Variants in GSK3B observed in about 807,000 individuals in gnomAD.
The protein encoded by GSK3B is glycogen synthase kinase 3 beta.
In GSK3B, 15 loss-of-function variants were observed where a neutral mutation model predicts 56.4. The ratio of observed to expected loss-of-function variants is 0.27; its 90% CI spans 0.18 to 0.41. GSK3B has a LOEUF of 0.41. GSK3B is among the 10% of genes least tolerant of loss of function. The pLI, the probability that GSK3B is intolerant of heterozygous loss-of-function variation, is 1.00. For synonymous variants in GSK3B, 181 were observed against 188.9 expected (o/e 0.96, Z 0.34); for missense variants, 300 against 513.4 (o/e 0.58, Z 4.02).
At chr3:120,083,201 T>C (rs1407741607) in intron 1 of GSK3B, among the ~76,000 whole-genome samples, 1 of 152,152 alleles carries the variant, frequency 6.6e-6, no homozygotes, top group Non-Finnish European at 1.5e-5. Flanking sequence ...AGTTATCAGA[T>C]AAGAACTATT....
intron 1 of GSK3B, among the ~76,000 whole-genome samples, chr3:120,028,364 C>G (rs777715867): frequency 2.0e-5 from 3 of 152,172 alleles, no homozygotes; most frequent in Non-Finnish European, 2.9e-5. Flanking sequence ...ATTTACCTCA[C>G]GAGAAACTAG....
chr3:119,874,858 G>A (rs2056292549), intron 8 of GSK3B, among the ~76,000 whole-genome samples: 1 of 152,002 alleles, frequency 6.6e-6, no homozygotes, highest in Admixed American at 6.6e-5. Flanking sequence ...CATGGCTGAA[G>A]TCATAGTATA....
chr3:119,872,435 T>C (rs775123798), intron 8 of GSK3B, among the ~76,000 whole-genome samples: 32 of 152,160 alleles, frequency 2.1e-4, no homozygotes, highest in Non-Finnish European at 4.7e-4. Context: ...TGTCATTATA[T>C]GTATTTAACG....
chr3:119,947,184 T>C lies in GSK3B; in HGVS notation c.366+84A>G, dbSNP rs2057108879. 3.6e-6 allele frequency: 3 copies of C among 822,908 alleles called. No individual in the cohort carries two copies. In the African/African-American group the frequency reaches 5.1e-5, roughly 14 times the overall value. The allele number at this position is 822,908 out of a possible 1,614,324, so 51.0% of individuals were successfully genotyped here. A position where few individuals can be genotyped will look rare whatever the true frequency, so the allele number is the denominator to read the frequency against. Reference sequence around the variant, plus strand: ...AATTTTTCCATTCCATTAGCAAAACTGTCTATGAGCGGTGGGGAGATTAAT... The same window carrying C: ...AATTTTTCCATTCCATTAGCAAAACCGTCTATGAGCGGTGGGGAGATTAAT... On this transcript the variant is annotated intron_variant, in intron 3 of 10. Coordinates refer to ENST00000264235, the MANE Select transcript of GSK3B (RefSeq NM_001146156.2).
rs999136603 is a variant in GSK3B, at chr3:119,832,469, G to A, written c.1196-5614C>T. On this transcript the variant is annotated intron_variant, in intron 10 of 10. Coordinates refer to ENST00000264235, the MANE Select transcript of GSK3B (RefSeq NM_001146156.2). ...GTTTTAAATAGCTAAATGTTGGGGG[G>A]GTAAACTAATATGCAGAAATAGATA... Among the ~76,000 whole-genome samples the A allele has an allele frequency of 7.9e-5, 12 of 152,226 alleles. No individual in the cohort carries two copies. In the East Asian group the frequency reaches 1.2e-3, roughly 15 times the overall value.
chr3:120,071,652 C>T (rs947669298), intron 1 of GSK3B, among the ~76,000 whole-genome samples: 1 of 152,206 alleles, frequency 6.6e-6, no homozygotes, highest in African/African-American at 2.4e-5. Flanking sequence ...TGTCTAGTCA[C>T]AGGAAAACAA....
In GSK3B at chr3:120,094,049, G is replaced by A. The variant is rs2058541029; in HGVS notation, c.-615C>T. ...GAGTCAGTCAGAGGCGGGCGGTGGCGGTGGCGGCGGCTCCTCTCCTCATTG... is the reference window on the plus strand; with the variant it reads ...GAGTCAGTCAGAGGCGGGCGGTGGCAGTGGCGGCGGCTCCTCTCCTCATTG... On this transcript the variant is annotated 5_prime_UTR_variant, in exon 1 of 11. Coordinates refer to ENST00000264235, the MANE Select transcript of GSK3B (RefSeq NM_001146156.2). The A allele has an allele frequency of 4.4e-6, 1 of 227,732 alleles. No homozygotes were observed. 14.1% of individuals were successfully genotyped at this position (227,732 alleles called of 1,614,324 possible). A position where few individuals can be genotyped will look rare whatever the true frequency, so the allele number is the denominator to read the frequency against.
At chr3:119,907,732 T>C (rs2056696631) in intron 6 of GSK3B, among the ~76,000 whole-genome samples, 3 of 152,196 alleles carry the variant, frequency 2.0e-5, no homozygotes, top group South Asian at 2.1e-4. Context: ...AACACACTTA[T>C]TTCATAGATA....
At chr3:120,062,232 A>C (rs1200092884) in intron 1 of GSK3B, among the ~76,000 whole-genome samples, 1 of 152,222 alleles carries the variant, frequency 6.6e-6, no homozygotes, top group Admixed American at 6.5e-5. Flanking sequence ...ATTGCCAAAA[A>C]TATTTTAAAG....
chr3:119,822,827 A>G lies in GSK3B; in HGVS notation c.*3961T>C. 4.4e-6 allele frequency: 1 copy of G among 227,978 alleles called. No homozygotes were observed. Among genetic ancestry groups the G allele is most frequent in the Non-Finnish European group, 8.7e-6 (1 of 114,718 alleles). 14.1% of individuals were successfully genotyped at this position (227,978 alleles called of 1,614,324 possible). ...AGTTGAAAAGAAAGAAAACCCCCCA[A>G]ATTCCTGGGGATCTGGCATTGGCCA... On this transcript the variant is annotated 3_prime_UTR_variant, in exon 11 of 11. Transcript: ENST00000264235.
At chr3:119,915,754 A>G (rs2056774454) in intron 5 of GSK3B, among the ~76,000 whole-genome samples, 1 of 152,112 alleles carries the variant, frequency 6.6e-6, no homozygotes, top group Non-Finnish European at 1.5e-5. Context: ...TTTCCTACTA[A>G]TGGATGCTTA....
intron 1 of GSK3B, among the ~76,000 whole-genome samples, chr3:120,052,217 G>A (rs2058156302): frequency 6.6e-6 from 1 of 152,104 alleles, no homozygotes; most frequent in Non-Finnish European, 1.5e-5. Context: ...TAAAAGAATA[G>A]TACAATTTAT....
At chr3:119,911,469 T>A (rs553244377) in intron 6 of GSK3B, among the ~76,000 whole-genome samples, 69 of 152,214 alleles carry the variant, frequency 4.5e-4, no homozygotes, top group Non-Finnish European at 8.8e-4. Context: ...CATTAGGCCC[T>A]CACAAGAGAG....
At chr3:119,963,625 CAAAAAAAAAAAAAAAAAAAGAAA>C (rs1293902220) in intron 2 of GSK3B, among the ~76,000 whole-genome samples, 1 of 79,196 alleles carries the variant, frequency 1.3e-5, no homozygotes, top group East Asian at 3.4e-4. Flanking sequence ...TTCTTCCCCA[CAAAAAAAAAAAAAAAAAAAGAAA>C]GAAAAAAAGA....
chr3:120,042,623 A>G (rs747338910), intron 1 of GSK3B, among the ~76,000 whole-genome samples: 9 of 152,220 alleles, frequency 5.9e-5, no homozygotes, highest in East Asian at 1.9e-4. Context: ...ACAGCCAATA[A>G]TATAGTTAAG....
chr3:120,006,183 G>A (rs1373092023), intron 1 of GSK3B, among the ~76,000 whole-genome samples: 1 of 152,116 alleles, frequency 6.6e-6, no homozygotes, highest in African/African-American at 2.4e-5. Flanking sequence ...ATTACATAAT[G>A]GTAAAGTGAT....
chr3:119,888,684 G>C (rs1576176364), intron 7 of GSK3B, among the ~76,000 whole-genome samples: 1 of 152,230 alleles, frequency 6.6e-6, no homozygotes, highest in East Asian at 1.9e-4. Flanking sequence ...CTGCCTGCAG[G>C]GTTGGGCAAA....
At chr3:120,043,236 C>T (rs1433139175) in intron 1 of GSK3B, among the ~76,000 whole-genome samples, 1 of 152,024 alleles carries the variant, frequency 6.6e-6, no homozygotes, top group Non-Finnish European at 1.5e-5. Context: ...CCATCACACC[C>T]GAGTCAAGAA....
intron 10 of GSK3B, among the ~76,000 whole-genome samples, chr3:119,837,173 T>G (rs941394229): frequency 6.6e-6 from 1 of 152,196 alleles, no homozygotes; most frequent in Non-Finnish European, 1.5e-5. Flanking sequence ...TTTCTTTTTT[T>G]GAGAGCAGTC....
Sources: allele counts gnomAD v4.1 joint callset (sites outside exome capture counted in the v4.1 genomes callset), GRCh38; gene constraint gnomAD v4.1.1; transcripts MANE v1.5; gene names NCBI Gene and HGNC (gene_info 2026-07-23, HGNC 2026-07-21).